GTF2F1: variants seen among roughly 807,000 people sequenced by gnomAD.
GTF2F1 encodes general transcription factor IIF 74 kDa subunit.
GTF2F1 carries 39 observed loss-of-function variants against 63.5 expected under a neutral mutation model. That is an observed-to-expected ratio of 0.61 (90% CI 0.48 to 0.80). The LOEUF (loss-of-function observed/expected upper bound fraction) is 0.80. Among genes scored for constraint, GTF2F1 ranks in the 30% least tolerant of loss-of-function variants. The pLI is 0.00. For missense variants in GTF2F1, 657 were observed against 718.3 expected, an observed-to-expected ratio of 0.91 and a Z score of 0.97; for synonymous variants, 287 against 285.3, an observed-to-expected ratio of 1.01 and a Z score of -0.06.
In GTF2F1 at chr19:6,380,479, C is replaced by T; in HGVS notation, c.1356G>A (p.Val452=). 6.2e-7 allele frequency: 1 copy of T among 1,614,072 alleles called. No homozygotes were observed. Among genetic ancestry groups the T allele is most frequent in the South Asian group, 1.1e-5 (1 of 91,072 alleles). ...SGKTTPNSGD[V]QVTEDAVRRY... ...GGCGCACGGCATCCTCAGTCACCTG[C>T]ACGTCGCTGAGGATGGGAGGACGGG... Residue 452 remains valine, a synonymous_variant, in exon 13 of 13, where the codon GTG becomes GTA. Transcript: ENST00000394456. This position sits in a 1 kb window ranked among gnomAD's most constrained non-coding sequence, Gnocchi z 5.3.
chr19:6,388,039 C>T (rs939687323), intron 4 of GTF2F1, among the ~76,000 whole-genome samples: 4 of 150,188 alleles, frequency 2.7e-5, no homozygotes, highest in Non-Finnish European at 3.0e-5. Flanking sequence ...AAGCAATTCT[C>T]ATGCCTCAGC....
intron 6 of GTF2F1, among the ~76,000 whole-genome samples, 198 bp from the exon 7 acceptor site, chr19:6,382,048 C>T (rs1344099052): frequency 6.6e-6 from 1 of 152,122 alleles, no homozygotes; most frequent in Non-Finnish European, 1.5e-5. Flanking sequence ...CACCCACCTT[C>T]TCTAGCGCTC....
At chr19:6,391,398 C>G (rs1178668703) in intron 3 of GTF2F1, among the ~76,000 whole-genome samples, 1 of 149,730 alleles carries the variant, frequency 6.7e-6, no homozygotes, top group Non-Finnish European at 1.5e-5. Context: ...ACCTAACTTA[C>G]AGGGACACCC....
At chr19:6,388,220 G>C (rs369993683) in intron 4 of GTF2F1, among the ~76,000 whole-genome samples, 1 of 152,102 alleles carries the variant, frequency 6.6e-6, no homozygotes, top group Admixed American at 6.6e-5. Flanking sequence ...GTGAGCCACC[G>C]CGCCCAGCCA....
rs1036711910 is a variant in GTF2F1, at chr19:6,383,351, C to T, written c.642G>A (p.Leu214=). 10 of 1,614,176 alleles carry T rather than the reference C, an allele frequency of 6.2e-6. No individual in the cohort carries two copies. Among genetic ancestry groups the T allele is most frequent in the Non-Finnish European group, 8.5e-6 (10 of 1,180,032 alleles). ...CATCACTGGCATCGGACGACATCTC[C>T]AGGTCGTCCTCCAGGTCGTGGATGC... The part of the protein sequence containing the change: ...ELRIHDLEDD[L]EMSSDASDAS... Residue 214 remains leucine, a synonymous_variant, in exon 6 of 13, where the codon CTG becomes CTA. Transcript: ENST00000394456. The surrounding 1 kb of genome is among the most constrained non-coding windows in gnomAD (Gnocchi z 4.5).
rs758707853 is a variant in GTF2F1 at position 6,381,413 on chromosome 19, CCTT to C, written c.961_963del (p.Lys321del). ...GGTGCCTTCTTCTCCTCCTCCTCCT[CCTT>C]GTCCTCCTCAGGCGGCTTCTCCTCC... On this transcript the variant is annotated inframe_deletion, in exon 9 of 13. Coordinates refer to ENST00000394456, the MANE Select transcript of GTF2F1 (RefSeq NM_002096.3). The surrounding 1 kb of genome is among the most constrained non-coding windows in gnomAD (Gnocchi z 4.1). The C allele has an allele frequency of 1.7e-5, 28 of 1,610,702 alleles. No homozygotes were observed. The highest frequency in any genetic ancestry group is 4.5e-5 in the East Asian group (2 of 44,880).
Position 6,392,873 on chromosome 19 carries a change from C to G in GTF2F1, c.43G>C (p.Val15Leu), listed in dbSNP as rs528061286. The change falls in exon 2 of 13, where the codon GTC becomes CTC. Residue 15 changes from valine to leucine, a missense_variant. Coordinates refer to ENST00000394456, the MANE Select transcript of GTF2F1 (RefSeq NM_002096.3). Reference sequence around the variant, plus strand: ...GGGACTTACTTAGGAACTCGAACGACGTATTCAGTGACATTCTGGCTGCTA... The same window carrying G: ...GGGACTTACTTAGGAACTCGAACGAGGTATTCAGTGACATTCTGGCTGCTA... ...GPSSQNVTEY[V>L]VRVPKNTTKK... 1 of 1,614,028 alleles carries G rather than the reference C, an allele frequency of 6.2e-7. No homozygotes were observed. The highest frequency in any genetic ancestry group is 2.2e-5 in the East Asian group (1 of 44,872).
chr19:6,381,882 A>T lies in GTF2F1; in HGVS notation c.683-32T>A. 1 of 1,564,910 alleles carries T rather than the reference A, an allele frequency of 6.4e-7. No individual in the cohort carries two copies. The highest frequency in any genetic ancestry group is 8.8e-7 in the Non-Finnish European group (1 of 1,141,472). On this transcript the variant is annotated intron_variant, in intron 6 of 12. Coordinates refer to ENST00000394456, the MANE Select transcript of GTF2F1 (RefSeq NM_002096.3). The surrounding 1 kb of genome is among the most constrained non-coding windows in gnomAD (Gnocchi z 4.1). ...AGGGAGGAAAGGAAGGAAAGGAGGG[A>T]AAGTGAGGAGGAAGGCAGTGGGTAT...
Position 6,383,050 on chromosome 19 carries a change from C to A in GTF2F1, c.682+261G>T, listed in dbSNP as rs1328192664. On this transcript the variant is annotated intron_variant, in intron 6 of 12. Transcript: ENST00000394456. The surrounding 1 kb of genome is among the most constrained non-coding windows in gnomAD (Gnocchi z 4.5). ...CCGAGTAGCTGGCACTAGAGGCATG[C>A]ACCACCATGCCCAGCTAATTTTTGT... Among the ~76,000 whole-genome samples, 1 of 152,158 alleles carries A rather than the reference C, an allele frequency of 6.6e-6. No individual in the cohort carries two copies. The highest frequency in any genetic ancestry group is 1.5e-5 in the Non-Finnish European group (1 of 68,030).
Position 6,393,136 on chromosome 19 carries a change from C to G in GTF2F1, c.-141G>C. 9.1e-7 allele frequency: 1 copy of G among 1,096,458 alleles called. No individual in the cohort carries two copies. The highest frequency in any genetic ancestry group is 1.3e-6 in the Non-Finnish European group (1 of 742,584). 67.9% of individuals were successfully genotyped at this position (1,096,458 alleles called of 1,614,324 possible). A position where few individuals can be genotyped will look rare whatever the true frequency, so the allele number is the denominator to read the frequency against. On this transcript the variant is annotated 5_prime_UTR_variant, in exon 1 of 13. Transcript: ENST00000394456. The stretch of plus-strand genomic sequence containing the variant: ...GCGAGGACCCCAACCCTAGGCGCCT[C>G]TGGCGCTGGGAAAAGGTAACCGGAA...
rs1284626667 is a variant in GTF2F1 at position 6,380,425 on chromosome 19, A to G, written c.1410T>C (p.Thr470=). 11 of 1,613,834 alleles carry G rather than the reference A, an allele frequency of 6.8e-6. No homozygotes were observed. Among genetic ancestry groups the G allele is most frequent in the Non-Finnish European group, 8.5e-6 (10 of 1,179,982 alleles). ...RRYLTRKPMT[T]KDLLKKFQTK... is the part of the protein sequence containing the mutation. ...TCTGGAACTTTTTCAGCAGGTCCTT[A>G]GTGGTCATGGGCTTCCGTGTCAGGT... The change falls in exon 13 of 13, where the codon ACT becomes ACC. Residue 470 remains threonine (T), a synonymous_variant. Coordinates refer to ENST00000394456, the MANE Select transcript of GTF2F1 (RefSeq NM_002096.3). This position sits in a 1 kb window ranked among gnomAD's most constrained non-coding sequence, Gnocchi z 5.3.
intron 6 of GTF2F1, among the ~76,000 whole-genome samples, chr19:6,382,078 C>G (rs1019297394): frequency 6.6e-6 from 1 of 152,122 alleles, no homozygotes; most frequent in African/African-American, 2.4e-5. Context: ...TCCCCCTCTC[C>G]CAGACCACCC....
rs1599211307 is a variant in GTF2F1, at chr19:6,383,451, C to A, written c.542G>T (p.Arg181Leu). Residue 181 changes from arginine to leucine, a missense_variant, in exon 6 of 13, where the codon CGG becomes CTG. Transcript: ENST00000394456. This position sits in a 1 kb window ranked among gnomAD's most constrained non-coding sequence, Gnocchi z 4.5. ...CTCGTCCTGGTCCTGATCCTTGAGCCGCCGCTGCTGCATGATGCTGAAGTG... is the reference window on the plus strand; with the variant it reads ...CTCGTCCTGGTCCTGATCCTTGAGCAGCCGCTGCTGCATGATGCTGAAGTG... The part of the protein sequence containing the change: ...LNHFSIMQQR[R>L]LKDQDQDEDE... 1 of 1,614,036 alleles carries A rather than the reference C, an allele frequency of 6.2e-7. No individual in the cohort carries two copies. The highest frequency in any genetic ancestry group is 1.3e-5 in the African/African-American group (1 of 74,946).
rs2092000299 is a variant in GTF2F1 at position 6,391,967 on chromosome 19, T to C, written c.67A>G (p.Thr23Ala). Residue 23 changes from threonine to alanine, a missense_variant, in exon 3 of 13, where the codon ACC becomes GCC. Coordinates refer to ENST00000394456, the MANE Select transcript of GTF2F1 (RefSeq NM_002096.3). ...EYVVRVPKNTTKKYNIMAFNA... is the reference protein window; with the variant it reads ...EYVVRVPKNTAKKYNIMAFNA... ...AAAGCCATGATGTTATATTTTTTGG[T>C]TGTATTCCTGGAGTGGATGAGAAGA... 6.4e-7 allele frequency: 1 copy of C among 1,564,660 alleles called. No homozygotes were observed. The highest frequency in any genetic ancestry group is 1.3e-5 in the African/African-American group (1 of 74,510).
chr19:6,383,536 C>G lies in GTF2F1; in HGVS notation c.498-41G>C. ...AGGGGGGCTCATGCCGGGCCTGGCA[C>G]CACCCTGCATCTGTGCTTGCAGGGG... On this transcript the variant is annotated intron_variant, in intron 5 of 12. Coordinates refer to ENST00000394456, the MANE Select transcript of GTF2F1 (RefSeq NM_002096.3). This position sits in a 1 kb window ranked among gnomAD's most constrained non-coding sequence, Gnocchi z 4.5. 6.3e-7 allele frequency: 1 copy of G among 1,597,354 alleles called. No homozygotes were observed. The highest frequency in any genetic ancestry group is 8.5e-7 in the Non-Finnish European group (1 of 1,170,348).
chr19:6,388,806 G>T (rs896956262), intron 4 of GTF2F1, among the ~76,000 whole-genome samples: 14 of 152,156 alleles, frequency 9.2e-5, no homozygotes, highest in African/African-American at 1.4e-4. Flanking sequence ...AAATTAGCCA[G>T]GCATGGTGGG....
Position 6,389,530 on chromosome 19 carries a change from C to G in GTF2F1, c.240G>C (p.Arg80=). ...TGAGGACGATGCCGTACTTCTTCCT[C>G]CGAGCCTCCTCCCGAAGCTTGCGGT... The part of the protein sequence containing the change: ...EFNRKLREEA[R]RKKYGIVLKE... Residue 80 remains arginine, a synonymous_variant, in exon 4 of 13, where the codon CGG becomes CGC. Transcript: ENST00000394456. The G allele has an allele frequency of 6.2e-7, 1 of 1,614,264 alleles. No homozygotes were observed. Among genetic ancestry groups the G allele is most frequent in the African/African-American group, 1.3e-5 (1 of 75,080 alleles).
At position 6,381,434 on chromosome 19, in the gene GTF2F1, T is replaced by A. The variant is rs771316028; in HGVS notation, c.943A>T (p.Lys315Ter). The change falls in exon 9 of 13, where the codon AAG (lysine) becomes TAG (stop). Residue 315 changes from lysine to a stop codon, truncating the protein, a stop_gained. Coordinates refer to ENST00000394456, the MANE Select transcript of GTF2F1 (RefSeq NM_002096.3). LOFTEE classifies it high-confidence loss of function. The surrounding 1 kb of genome is among the most constrained non-coding windows in gnomAD (Gnocchi z 4.1). ...TCCTCCTTGTCCTCCTCAGGCGGCT[T>A]CTCCTCCTCACTCTCCTCACTACTG... is the stretch of plus-strand genomic sequence containing the variant. ...SDSSEESEEE[K>*]PPEEDKEEEE... The A allele has an allele frequency of 1.2e-5, 20 of 1,609,982 alleles. No homozygotes were observed. The highest frequency in any genetic ancestry group is 1.7e-5 in the Non-Finnish European group (20 of 1,179,764).
At chr19:6,387,976 C>G (rs953810690) in intron 4 of GTF2F1, among the ~76,000 whole-genome samples, 1 of 149,904 alleles carries the variant, frequency 6.7e-6, no homozygotes, top group Non-Finnish European at 1.5e-5. Context: ...GGCACCCAGG[C>G]TGGAGTGCAG....
Sources: allele counts gnomAD v4.1 joint callset (sites outside exome capture counted in the v4.1 genomes callset), GRCh38; gene constraint gnomAD v4.1.1; non-coding constraint Gnocchi (gnomAD v3.1); transcripts MANE v1.5; gene names NCBI Gene and HGNC (gene_info 2026-07-23, HGNC 2026-07-21).